The following FUT8 variants were observed in gnomAD, a reference collection of about 807,000 sequenced individuals.
FUT8 encodes alpha-(1,6)-fucosyltransferase.
FUT8 carries 29 observed loss-of-function variants against 71.3 expected under a neutral mutation model. The ratio of observed to expected loss-of-function variants is 0.41; its 90% CI spans 0.30 to 0.55. The LOEUF (loss-of-function observed/expected upper bound fraction) is 0.55, where lower values mean the gene tolerates loss of function less well. Among genes scored for constraint, FUT8 ranks in the 20% least tolerant of loss-of-function variants. The probability of loss-of-function intolerance (pLI) is 0.34; values close to 1 mark genes in which losing one functional copy is unlikely to be tolerated. For missense variants in FUT8, 544 were observed against 702.1 expected (o/e 0.77, Z 2.55); for synonymous variants, 254 against 239.3 (o/e 1.06, Z -0.57).
chr14:65,448,072 A>C (rs2065768785), intron 1 of FUT8, among the ~76,000 whole-genome samples: 2 of 152,206 alleles, frequency 1.3e-5, no homozygotes, highest in Non-Finnish European at 2.9e-5. Flanking sequence ...GTTAGGTCAT[A>C]AGACCCCTGA....
At chr14:65,648,689 G>A (rs1272037132) in intron 6 of FUT8, among the ~76,000 whole-genome samples, 4 of 152,328 alleles carry the variant, frequency 2.6e-5, no homozygotes, top group African/African-American at 9.6e-5. Context: ...GGTTCCACAA[G>A]AGGGAATTTG....
At chr14:65,480,325 T>TA (rs1218658294) in intron 2 of FUT8, among the ~76,000 whole-genome samples, 4 of 106,404 alleles carry the variant, frequency 3.8e-5, no homozygotes, top group African/African-American at 1.3e-4. Flanking sequence ...TTTTTTTTTT[T>TA]AAAGACAGGG....
Position 65,480,238 on chromosome 14 carries a change from A to G in FUT8, c.-228+24520A>G, listed in dbSNP as rs2066308962. Among the ~76,000 whole-genome samples the G allele has an allele frequency of 2.7e-5, 4 of 150,592 alleles. No homozygotes were observed. The South Asian group carries it at 8.4e-4, about 32-fold the overall frequency. On this transcript the variant is annotated intron_variant, in intron 2 of 10. Coordinates refer to ENST00000673929, the MANE Select transcript of FUT8 (RefSeq NM_001371533.1). ...CTGAATCGGCCCTTTCTATCCCATC[A>G]TTATGATAACATCCATCTTGGTAGT...
chr14:65,462,673 G>A (rs2065984956), intron 2 of FUT8, among the ~76,000 whole-genome samples: 2 of 152,158 alleles, frequency 1.3e-5, no homozygotes, highest in South Asian at 4.1e-4. Flanking sequence ...GAATCATGTT[G>A]AAAGTATGTA....
At chr14:65,741,880 G>GT (rs1491093181) in intron 10 of FUT8, among the ~76,000 whole-genome samples, 1 of 151,900 alleles carries the variant, frequency 6.6e-6, no homozygotes, top group Non-Finnish European at 1.5e-5. Context: ...TCTTTCGTGA[G>GT]TTTTTCTTCT....
intron 2 of FUT8, among the ~76,000 whole-genome samples, chr14:65,475,812 CT>C (rs2066229882): frequency 6.6e-6 from 1 of 151,916 alleles, no homozygotes; most frequent in Admixed American, 6.6e-5. Context: ...GATGGGATTT[CT>C]AGGCATATTT....
Position 65,652,225 on chromosome 14 carries a change from C to G in FUT8, c.598-17018C>G, listed in dbSNP as rs186814204. ...GATGAGAATCAACACTTTGTAAGAGCCTTCAGTGGACCAGAAGCTGGAAAG... is the reference window on the plus strand; with the variant it reads ...GATGAGAATCAACACTTTGTAAGAGGCTTCAGTGGACCAGAAGCTGGAAAG... On this transcript the variant is annotated intron_variant, in intron 6 of 10. Transcript: ENST00000673929. The surrounding 1 kb of genome is among the most constrained non-coding windows in gnomAD (Gnocchi z 4.0). Among the ~76,000 whole-genome samples the G allele has an allele frequency of 2.0e-5, 3 of 152,316 alleles. No homozygotes were observed. The highest frequency in any genetic ancestry group is 2.9e-5 in the Non-Finnish European group (2 of 68,036).
At chr14:65,688,610 A>G (rs1469833642) in intron 7 of FUT8, among the ~76,000 whole-genome samples, 1 of 151,566 alleles carries the variant, frequency 6.6e-6, no homozygotes, top group Non-Finnish European at 1.5e-5. Flanking sequence ...AATATGGATC[A>G]TAGATGACAT....
chr14:65,491,991 C>A (rs1422059948), intron 2 of FUT8, among the ~76,000 whole-genome samples: 1 of 151,980 alleles, frequency 6.6e-6, no homozygotes, highest in Non-Finnish European at 1.5e-5. Context: ...TACAGCCAGC[C>A]TGGTCTTGGA....
chr14:65,564,683 G>A lies in FUT8; in HGVS notation c.203+2917G>A, dbSNP rs147174858. Among the ~76,000 whole-genome samples the A allele has an allele frequency of 9.0e-4, 137 of 152,000 alleles. 2 individuals carry two copies. The highest frequency in any genetic ancestry group is 2.3e-3 in the South Asian group (11 of 4,818). On this transcript the variant is annotated intron_variant, in intron 3 of 10. Coordinates refer to ENST00000673929, the MANE Select transcript of FUT8 (RefSeq NM_001371533.1). ...TTGTTCCCTCTTATGGTCAAATTCT[G>A]TCCTGACCTCCTGTCCCTGGCACTT... is the stretch of plus-strand genomic sequence containing the variant.
intron 7 of FUT8, among the ~76,000 whole-genome samples, chr14:65,706,478 G>C (rs777508152): frequency 6.6e-6 from 1 of 152,248 alleles, no homozygotes; most frequent in Middle Eastern, 3.4e-3. Flanking sequence ...TATAAAACAG[G>C]ATTATTAACC....
chr14:65,464,084 G>A (rs764207893), intron 2 of FUT8, among the ~76,000 whole-genome samples: 1 of 152,160 alleles, frequency 6.6e-6, no homozygotes, highest in African/African-American at 2.4e-5. Flanking sequence ...ATGTATTACT[G>A]TGAAAGTTGT....
rs1211662595 is a variant in FUT8 at position 65,652,774 on chromosome 14, C to CT, written c.598-16468dup. On this transcript the variant is annotated intron_variant, in intron 6 of 10. Transcript: ENST00000673929. The surrounding 1 kb of genome is among the most constrained non-coding windows in gnomAD (Gnocchi z 4.0). ...AGAATGAATGAAACTTCTACTAAAC[C>CT]TACCTATACTCCAGCTGTCCCTGTT... 6.6e-6 allele frequency among the ~76,000 whole-genome samples: 1 copy of CT among 152,102 alleles called. No homozygotes were observed. Among genetic ancestry groups the CT allele is most frequent in the Non-Finnish European group, 1.5e-5 (1 of 68,014 alleles).
At position 65,603,079 on chromosome 14, in the gene FUT8, TC is replaced by T. The variant is rs898936140; in HGVS notation, c.204-12897del. Reference sequence around the variant, plus strand: ...TAAGCCAATGTCTAGAAGGATTTTTTCCGATGTTATTTTCTAGATTTTTTTA... The same window carrying T: ...TAAGCCAATGTCTAGAAGGATTTTTTCGATGTTATTTTCTAGATTTTTTTA... On this transcript the variant is annotated intron_variant, in intron 3 of 10. Transcript: ENST00000673929. This position sits in a 1 kb window ranked among gnomAD's most constrained non-coding sequence, Gnocchi z 4.5. Among the ~76,000 whole-genome samples the T allele has an allele frequency of 6.6e-6, 1 of 151,990 alleles. No homozygotes were observed. The highest frequency in any genetic ancestry group is 2.4e-5 in the African/African-American group (1 of 41,414).
intron 6 of FUT8, among the ~76,000 whole-genome samples, chr14:65,665,115 A>G (rs755506884): frequency 2.0e-5 from 3 of 152,186 alleles, no homozygotes; most frequent in Non-Finnish European, 4.4e-5. Flanking sequence ...ATTATCAAGT[A>G]TGATTTTTTA....
chr14:65,659,480 A>G (rs1232573027), intron 6 of FUT8, among the ~76,000 whole-genome samples: 2 of 152,172 alleles, frequency 1.3e-5, no homozygotes, highest in Admixed American at 1.3e-4. Flanking sequence ...TCTGACTTTT[A>G]TTTAAAACGA....
chr14:65,651,355 C>A (rs1000604449), intron 6 of FUT8, among the ~76,000 whole-genome samples: 5 of 152,198 alleles, frequency 3.3e-5, no homozygotes, highest in African/African-American at 1.2e-4. Context: ...TGGGGCAGAA[C>A]AGAACAACAC....
chr14:65,700,884 A>G (rs994475819), intron 7 of FUT8, among the ~76,000 whole-genome samples: 15 of 152,304 alleles, frequency 9.8e-5, no homozygotes, highest in African/African-American at 3.6e-4. Context: ...AAATAAAATG[A>G]TTTGTCTTCT....
At chr14:65,425,327 A>C (rs1161697714) in intron 1 of FUT8, among the ~76,000 whole-genome samples, 1 of 151,770 alleles carries the variant, frequency 6.6e-6, no homozygotes, top group African/African-American at 2.4e-5. Flanking sequence ...CACCACACCC[A>C]GCTAATTTTT....
Sources: allele counts gnomAD v4.1 joint callset (sites outside exome capture counted in the v4.1 genomes callset), GRCh38; gene constraint gnomAD v4.1.1; non-coding constraint Gnocchi (gnomAD v3.1); transcripts MANE v1.5; gene names NCBI Gene and HGNC (gene_info 2026-07-23, HGNC 2026-07-21).